The following SNAPC3 variants were observed in gnomAD, a reference collection of about 807,000 sequenced individuals.
SNAPC3 encodes the protein snRNA-activating protein complex subunit 3.
In SNAPC3, 56 loss-of-function variants were observed where a neutral mutation model predicts 47.7. The ratio of observed to expected loss-of-function variants is 1.18; its 90% confidence interval spans 0.95 to 1.47. The LOEUF (loss-of-function observed/expected upper bound fraction) is 1.47, where lower values mean the gene tolerates loss of function less well. Ranked by LOEUF, SNAPC3 falls within the 40% of genes most tolerant of loss-of-function variation. The probability of loss-of-function intolerance (pLI) is 0.00; values close to 1 mark genes in which losing one functional copy is unlikely to be tolerated. For missense variants in SNAPC3, 665 were observed against 511.3 expected, an observed-to-expected ratio of 1.30 and a Z score of -2.90; for synonymous variants, 235 against 189.9, an observed-to-expected ratio of 1.24 and a Z score of -1.95.
intron 2 of SNAPC3, among the ~76,000 whole-genome samples, chr9:15,425,127 C>T (rs1339106616): frequency 1.3e-5 from 2 of 152,186 alleles, no homozygotes; most frequent in African/African-American, 4.8e-5. Context: ...ATTTGCCTTT[C>T]CAGATTTATT....
At chr9:15,449,550 TATATATATATATA>T (rs1178280350) in intron 5 of SNAPC3, among the ~76,000 whole-genome samples, 33 of 35,674 alleles carry the variant, frequency 9.3e-4, no homozygotes, top group African/African-American at 3.7e-3. Context: ...TATATATATA[TATATATATATATA>T]TTTTTTTTTT....
At chr9:15,426,015 C>T (rs2031339879) in intron 2 of SNAPC3, among the ~76,000 whole-genome samples, 1 of 152,210 alleles carries the variant, frequency 6.6e-6, no homozygotes, top group Admixed American at 6.5e-5. Context: ...GCATGTGCCA[C>T]CACGCTTAAT....
At chr9:15,466,487 G>C (rs2035635024), downstream of SNAPC3, among the ~76,000 whole-genome samples, 1 of 152,234 alleles carries the variant, frequency 6.6e-6, no homozygotes, top group African/African-American at 2.4e-5. Context: ...CAGTATCTCA[G>C]TAAAAGTAGT....
chr9:15,465,063 TA>T (rs1251195366), downstream of SNAPC3: 5 of 225,284 alleles, frequency 2.2e-5, no homozygotes, highest in Non-Finnish European at 4.4e-5. Context: ...TTATCTACCA[TA>T]AAAATGTGTA....
Position 15,451,354 on chromosome 9 carries a change from G to C in SNAPC3, c.767G>C (p.Gly256Ala). 1 of 1,549,184 alleles carries C rather than the reference G, an allele frequency of 6.5e-7. No homozygotes were observed. ...LYKSAFFYFEGTFYNDKRYPE... is the reference protein window; with the variant it reads ...LYKSAFFYFEATFYNDKRYPE... The stretch of plus-strand genomic sequence containing the variant: ...AAATCAGCCTTCTTTTATTTTGAAG[G>C]AACATTTTATAATGATAAAAGATAC... The change falls in exon 6 of 9, where the codon GGA becomes GCA. Residue 256 changes from glycine (G) to alanine (A), a missense_variant. Physicochemically the swap from Gly to Ala is moderately conservative, Grantham distance 60 (BLOSUM62 0). Coordinates refer to ENST00000380821, the MANE Select transcript of SNAPC3 (RefSeq NM_001039697.2).
chr9:15,433,845 C>T, intron 3 of SNAPC3: 1 of 384,232 alleles, frequency 2.6e-6, no homozygotes, highest in South Asian at 9.6e-5. Flanking sequence ...CAGATCTCTG[C>T]CTTTATTCTT....
At chr9:15,433,818 C>A in intron 3 of SNAPC3, 182 bp downstream of exon 3, 1 of 415,070 alleles carries the variant, frequency 2.4e-6, no homozygotes, top group Non-Finnish European at 4.2e-6. Flanking sequence ...CTCAAGTGAC[C>A]ACATGTTTGA....
intron 2 of SNAPC3, among the ~76,000 whole-genome samples, chr9:15,426,472 C>T (rs1002877089): frequency 1.3e-5 from 2 of 152,212 alleles, no homozygotes; most frequent in Non-Finnish European, 2.9e-5. Flanking sequence ...ATCTGCCACA[C>T]TCACTGCTAT....
In SNAPC3 at chr9:15,451,365, A is replaced by G. The variant is rs780710460; in HGVS notation, c.778A>G (p.Asn260Asp). 1.3e-6 allele frequency: 2 copies of G among 1,553,614 alleles called. No homozygotes were observed. The highest frequency in any genetic ancestry group is 2.7e-5 in the African/African-American group (2 of 73,734). The change falls in exon 6 of 9, where the codon AAT becomes GAT. Residue 260 changes from asparagine to aspartate, a missense_variant. Physicochemically the swap from Asn to Asp is conservative, Grantham distance 23. Transcript: ENST00000380821. ...AFFYFEGTFYNDKRYPECRDL... is the reference protein window; with the variant it reads ...AFFYFEGTFYDDKRYPECRDL... The stretch of plus-strand genomic sequence containing the variant: ...CTTTTATTTTGAAGGAACATTTTAT[A>G]ATGATAAAAGATACCCAGAATGCAG...
rs183270234 is a variant in SNAPC3, at chr9:15,460,020, A to G, written c.*154A>G. On this transcript the variant is annotated 3_prime_UTR_variant, in exon 9 of 9. Coordinates refer to ENST00000380821, the MANE Select transcript of SNAPC3 (RefSeq NM_001039697.2). Reference sequence around the variant, plus strand: ...AGTCCAAATGACAGATTTTCTTATAATGATAGTATTTAAATGTTTATAACA... The same window carrying G: ...AGTCCAAATGACAGATTTTCTTATAGTGATAGTATTTAAATGTTTATAACA... 37 of 516,000 alleles carry G rather than the reference A, an allele frequency of 7.2e-5. 1 individual carries two copies. In the South Asian group the frequency reaches 9.0e-4, roughly 12 times the overall value. 32.0% of individuals were successfully genotyped at this position (516,000 alleles called of 1,614,324 possible).
Position 15,435,301 on chromosome 9 carries a change from C to T in SNAPC3, c.477+1665C>T, listed in dbSNP as rs986159139. On this transcript the variant is annotated intron_variant, in intron 3 of 8. Coordinates refer to ENST00000380821, the MANE Select transcript of SNAPC3 (RefSeq NM_001039697.2). ...TTATAAAGAGTTCTTGGCCGGGTGCCATGGCTAACGCTTGTAATCCCAGCA... is the reference window on the plus strand; with the variant it reads ...TTATAAAGAGTTCTTGGCCGGGTGCTATGGCTAACGCTTGTAATCCCAGCA... Among the ~76,000 whole-genome samples, 5 of 152,050 alleles carry T rather than the reference C, an allele frequency of 3.3e-5. No individual in the cohort carries two copies. In the East Asian group the frequency reaches 9.6e-4, roughly 29 times the overall value.
At chr9:15,449,934 A>C (rs1450399186) in intron 5 of SNAPC3, among the ~76,000 whole-genome samples, 2 of 152,136 alleles carry the variant, frequency 1.3e-5, no homozygotes, top group Non-Finnish European at 2.9e-5. Flanking sequence ...TGTAATTAAT[A>C]ATTATGCCAA....
intron 7 of SNAPC3, among the ~76,000 whole-genome samples, chr9:15,455,938 G>A (rs1440519403): frequency 4.6e-5 from 7 of 152,026 alleles, no homozygotes; most frequent in African/African-American, 1.7e-4. Flanking sequence ...GCAGTGGCGT[G>A]ATCTCGGCTC....
At chr9:15,426,275 T>C (rs2031386263) in intron 2 of SNAPC3, among the ~76,000 whole-genome samples, 1 of 152,172 alleles carries the variant, frequency 6.6e-6, no homozygotes, top group African/African-American at 2.4e-5. Flanking sequence ...CATTCTTGCT[T>C]ATCTCCTGAC....
chr9:15,465,153 G>A (rs913416039), downstream of SNAPC3: 1 of 238,950 alleles, frequency 4.2e-6, no homozygotes, highest in East Asian at 6.2e-5. Context: ...AAAACCCACA[G>A]TATTTGGGAA....
chr9:15,459,098 T>G (rs1367275239), intron 8 of SNAPC3, among the ~76,000 whole-genome samples: 1 of 152,172 alleles, frequency 6.6e-6, no homozygotes, highest in African/African-American at 2.4e-5. Context: ...GAAAACATGA[T>G]AAATCAAAGT....
At chr9:15,436,498 A>G (rs544613234) in intron 3 of SNAPC3, among the ~76,000 whole-genome samples, 14 of 152,136 alleles carry the variant, frequency 9.2e-5, no homozygotes, top group African/African-American at 1.9e-4. Context: ...GTTACATTCT[A>G]TCGGTCTAGA....
chr9:15,466,721 C>T (rs761133572), downstream of SNAPC3: 162 of 1,544,642 alleles, frequency 1.0e-4, no homozygotes, highest in African/African-American at 5.5e-5. Context: ...AAAAAACACA[C>T]AAGACCCATT....
chr9:15,427,624 G>C (rs2031587135), intron 2 of SNAPC3, among the ~76,000 whole-genome samples: 1 of 152,200 alleles, frequency 6.6e-6, no homozygotes, highest in Non-Finnish European at 1.5e-5. Context: ...TGGTATTACA[G>C]GCGTGAGCCA....
Sources: allele counts gnomAD v4.1 joint callset (sites outside exome capture counted in the v4.1 genomes callset), GRCh38; gene constraint gnomAD v4.1.1; transcripts MANE v1.5; gene names NCBI Gene and HGNC (gene_info 2026-07-23, HGNC 2026-07-21).